Variants in NCOA7 observed in about 807,000 individuals in gnomAD.
NCOA7 encodes the protein nuclear receptor coactivator 7, also known as 140 kDa estrogen receptor-associated protein.
In NCOA7, 45 loss-of-function variants were observed where a neutral mutation model predicts 104.3. That is an observed-to-expected ratio of 0.43 (90% confidence interval 0.34 to 0.55). The LOEUF is 0.55. Ranked by LOEUF, NCOA7 falls within the 20% of genes least tolerant of loss-of-function variation. The pLI is 0.02. For missense variants in NCOA7, 1,041 were observed against 1,119.7 expected, an observed-to-expected ratio of 0.93 and a Z score of 1.00; for synonymous variants, 398 against 402.3, an observed-to-expected ratio of 0.99 and a Z score of 0.13.
intron 2 of NCOA7, among the ~76,000 whole-genome samples, chr6:125,845,827 A>G (rs570675524): frequency 4.6e-5 from 7 of 152,262 alleles, no homozygotes; most frequent in African/African-American, 1.2e-4. Flanking sequence ...TTTCTCATAC[A>G]TCCACCGAAC....
intron 1 of NCOA7, among the ~76,000 whole-genome samples, chr6:125,801,713 G>C (rs1216591626): frequency 6.6e-6 from 1 of 152,114 alleles, no homozygotes; most frequent in African/African-American, 2.4e-5. Flanking sequence ...ATAGCTCCAA[G>C]TGTGGCCTGT....
At chr6:125,875,194 A>G in intron 4 of NCOA7, 1 of 432,024 alleles carries the variant, frequency 2.3e-6, no homozygotes, top group East Asian at 3.8e-5. Context: ...TGGCTGCAAC[A>G]TCCATCACCC....
intron 2 of NCOA7, among the ~76,000 whole-genome samples, chr6:125,834,333 A>G (rs1419484132): frequency 6.6e-6 from 1 of 152,230 alleles, no homozygotes; most frequent in East Asian, 1.9e-4. Flanking sequence ...AAAATTCTTT[A>G]AAGTTTGATT....
intron 10 of NCOA7, among the ~76,000 whole-genome samples, chr6:125,908,592 G>A (rs1469189045): frequency 6.6e-6 from 1 of 152,154 alleles, no homozygotes; most frequent in Non-Finnish European, 1.5e-5. Context: ...TTCCTCCTCA[G>A]GAAATCCTAC....
chr6:125,850,753 A>G (rs542557468), intron 2 of NCOA7, among the ~76,000 whole-genome samples: 1 of 152,322 alleles, frequency 6.6e-6, no homozygotes, highest in South Asian at 2.1e-4. Context: ...GGGGGCAACA[A>G]AGTTAATCCC....
At chr6:125,914,522 T>C (rs1234255611) in intron 10 of NCOA7, among the ~76,000 whole-genome samples, 1 of 152,232 alleles carries the variant, frequency 6.6e-6, no homozygotes, top group East Asian at 1.9e-4. Flanking sequence ...ATTTTAAAAA[T>C]CATAAGTTAA....
At chr6:125,875,499 T>C (rs1340828278) in intron 4 of NCOA7, 2 of 152,280 alleles carry the variant, frequency 1.3e-5, no homozygotes, top group East Asian at 3.9e-4. Flanking sequence ...ACTCAACATA[T>C]CCACCTGGTC....
intron 8 of NCOA7, among the ~76,000 whole-genome samples, chr6:125,888,077 A>G (rs1230463393): frequency 6.6e-6 from 1 of 152,066 alleles, no homozygotes; most frequent in Non-Finnish European, 1.5e-5. Flanking sequence ...AACATGTTTA[A>G]TCAATATTTT....
At position 125,889,462 on chromosome 6, in the gene NCOA7, T is replaced by C. The variant is rs373277852; in HGVS notation, c.1408T>C (p.Leu470=). The C allele has an allele frequency of 4.3e-6, 7 of 1,613,958 alleles. No individual in the cohort carries two copies. Among genetic ancestry groups the C allele is most frequent in the East Asian group, 4.5e-5 (2 of 44,874 alleles). The change falls in exon 9 of 16, where the codon TTG becomes CTG. Residue 470 remains leucine, a synonymous_variant. Coordinates refer to ENST00000392477, the MANE Select transcript of NCOA7 (RefSeq NM_181782.5). ...EMQVQSALAF[L]GTENDVELKG... ...GCAGGTGCAGTCAGCCCTAGCCTTT[T>C]TGGGAACAGAGAATGATGTTGAACT...
At chr6:125,825,392 G>A (rs533449793) in intron 2 of NCOA7, among the ~76,000 whole-genome samples, 2 of 152,204 alleles carry the variant, frequency 1.3e-5, no homozygotes, top group South Asian at 4.2e-4. Context: ...TCTTACTTTT[G>A]AATATGTGGA....
chr6:125,787,895 C>A (rs575535704), upstream of NCOA7, among the ~76,000 whole-genome samples: 2 of 152,250 alleles, frequency 1.3e-5, no homozygotes, highest in South Asian at 4.2e-4. Flanking sequence ...ATTCCTATAT[C>A]CACCCTATAA....
intron 10 of NCOA7, among the ~76,000 whole-genome samples, chr6:125,900,903 A>G (rs1785441677): frequency 1.3e-5 from 2 of 152,164 alleles, no homozygotes; most frequent in South Asian, 4.1e-4. Flanking sequence ...TGCAAGGAAA[A>G]TTACCTTTTT....
chr6:125,839,435 ACTC>A, intron 2 of NCOA7, among the ~76,000 whole-genome samples: 7 of 150,874 alleles, frequency 4.6e-5, no homozygotes, highest in African/African-American at 1.7e-4. Flanking sequence ...TAGTGATTTA[ACTC>A]TATCTGCTGT....
Position 125,889,888 on chromosome 6 carries a change from T to C in NCOA7, c.1834T>C (p.Ser612Pro). Reference protein sequence around the residue: ...IKEALDSSLESTLDNSCQGAQ... With the variant: ...IKEALDSSLEPTLDNSCQGAQ... ...AGAGGCTCTAGACTCCTCTTTGGAA[T>C]CTACTCTGGACAACAGCTGTCAAGG... The change falls in exon 9 of 16, where the codon TCT (serine) becomes CCT (proline). Residue 612 changes from serine to proline, a missense_variant. Around this residue, in one of 2 missense-constraint regions of NCOA7, gnomAD observed 914 missense variants for 942.7 expected, o/e 0.97. Transcript: ENST00000392477. 6.2e-7 allele frequency: 1 copy of C among 1,611,976 alleles called. No individual in the cohort carries two copies. The highest frequency in any genetic ancestry group is 8.5e-7 in the Non-Finnish European group (1 of 1,179,494).
intron 5 of NCOA7, among the ~76,000 whole-genome samples, chr6:125,878,614 A>G (rs1259625497): frequency 6.6e-6 from 1 of 152,078 alleles, no homozygotes; most frequent in East Asian, 1.9e-4. Flanking sequence ...GGCTCAAGCA[A>G]TCCTCCCACC....
intron 10 of NCOA7, among the ~76,000 whole-genome samples, chr6:125,907,102 A>G (rs1299121753): frequency 6.6e-6 from 1 of 152,204 alleles, no homozygotes; most frequent in African/African-American, 2.4e-5. Context: ...TCCCTTCTTC[A>G]TTCCTCCTCC....
intron 7 of NCOA7, among the ~76,000 whole-genome samples, chr6:125,883,899 A>G (rs1784055644): frequency 6.6e-6 from 1 of 151,884 alleles, no homozygotes; most frequent in African/African-American, 2.4e-5. Flanking sequence ...TTATATTTTT[A>G]GTAGAGACGG....
intron 1 of NCOA7, among the ~76,000 whole-genome samples, chr6:125,814,796 T>C (rs1777428399): frequency 1.3e-5 from 2 of 152,194 alleles, no homozygotes; most frequent in African/African-American, 2.4e-5. Context: ...TCAAGTGGGA[T>C]GTACTTGCTG....
At position 125,854,546 on chromosome 6, in the gene NCOA7, C is replaced by T. The variant is rs1435386142; in HGVS notation, c.51-474C>T. 2.0e-5 allele frequency among the ~76,000 whole-genome samples: 3 copies of T among 152,174 alleles called. No individual in the cohort carries two copies. In the South Asian group the frequency reaches 6.2e-4, roughly 32 times the overall value. ...TTACTCCTATGTGACCCAGTTCACACCTTGCCAAATCCTTTTACTCAGTAT... is the reference window on the plus strand; with the variant it reads ...TTACTCCTATGTGACCCAGTTCACATCTTGCCAAATCCTTTTACTCAGTAT... On this transcript the variant is annotated intron_variant, in intron 2 of 15. Transcript: ENST00000392477.
Sources: allele counts gnomAD v4.1 joint callset (sites outside exome capture counted in the v4.1 genomes callset), GRCh38; gene constraint gnomAD v4.1.1; regional missense constraint gnomAD v4.1.1; transcripts MANE v1.5; gene names NCBI Gene and HGNC (gene_info 2026-07-23, HGNC 2026-07-21).